The following MFSD2B variants were observed in gnomAD, a reference collection of about 807,000 sequenced individuals.
MFSD2B encodes MFSD2 lysolipid transporter B, sphingolipid.
MFSD2B carries 56 observed loss-of-function variants against 58.4 expected under a neutral mutation model. The ratio of observed to expected loss-of-function variants is 0.96; its 90% CI spans 0.77 to 1.20. MFSD2B has a LOEUF of 1.20. Ranked by LOEUF, MFSD2B falls within the 50% of genes most tolerant of loss-of-function variation. The probability of loss-of-function intolerance (pLI) is 0.00; values close to 1 mark genes in which losing one functional copy is unlikely to be tolerated. For synonymous variants in MFSD2B, 287 were observed against 294.4 expected, an observed-to-expected ratio of 0.97 and a Z score of 0.26; for missense variants, 645 against 667.6, an observed-to-expected ratio of 0.97 and a Z score of 0.37.
chr2:24,013,410 G>A lies in MFSD2B; in HGVS notation c.222G>A (p.Gln74=). The stretch of plus-strand genomic sequence containing the variant: ...AGCTTTTCCTGCTTGATATAGCACA[G>A]GTAAGTGTGGGCAGTAGCCCAGTCT... ...YLQLFLLDIA[Q]IPAAQVSLVL... is the part of the protein sequence containing the mutation. Residue 74 remains glutamine (Q), a splice_region_variant and synonymous_variant, in exon 2 of 14, where the codon CAG becomes CAA. Transcript: ENST00000338315. 2 of 1,600,612 alleles carry A rather than the reference G, an allele frequency of 1.2e-6. No individual in the cohort carries two copies. Among genetic ancestry groups the A allele is most frequent in the Non-Finnish European group, 1.7e-6 (2 of 1,172,174 alleles).
In MFSD2B at chr2:24,025,425, C is replaced by T; in HGVS notation, c.1491-7C>T. ...TCCTTCTCCTTGGCTTCCTTCCCTT[C>T]CCACAGGAGGACCAGCTACAGCCTG... On this transcript the variant is annotated splice_region_variant and splice_polypyrimidine_tract_variant and intron_variant, in intron 13 of 13. Transcript: ENST00000338315. 1 of 1,536,032 alleles carries T rather than the reference C, an allele frequency of 6.5e-7. No homozygotes were observed. Among genetic ancestry groups the T allele is most frequent in the Non-Finnish European group, 8.7e-7 (1 of 1,146,802 alleles).
Position 24,023,194 on chromosome 2 carries a change from C to T in MFSD2B, c.1124C>T (p.Ala375Val). 6.2e-7 allele frequency: 1 copy of T among 1,613,690 alleles called. No individual in the cohort carries two copies. ...VPTAPVAYVV[A>V]FVSGVSIAVS... ...ACAGCACCTGTGGCATATGTCGTGG[C>T]CTTTGTATCTGGCGTGAGCATTGCT... Residue 375 changes from alanine (A) to valine (V), a missense_variant, in exon 11 of 14, where the codon GCC becomes GTC. Physicochemically the swap from Ala to Val is moderately conservative, Grantham distance 64. Transcript: ENST00000338315. This position sits in a 1 kb window ranked among gnomAD's most constrained non-coding sequence, Gnocchi z 5.0.
intron 2 of MFSD2B, among the ~76,000 whole-genome samples, 158 bp from the exon 3 acceptor site, chr2:24,015,998 G>A (rs747518780): frequency 3.3e-4 from 50 of 152,130 alleles, no homozygotes; most frequent in Non-Finnish European, 6.2e-4. Context: ...ACTCAGCCCC[G>A]GGATCAGCAT....
chr2:24,016,802 G>T (rs1464647512), intron 3 of MFSD2B, 43 bp from the exon 4 acceptor site: 2 of 1,606,838 alleles, frequency 1.2e-6, no homozygotes, highest in Admixed American at 1.7e-5. Context: ...GTGTTCCCCT[G>T]TCTGGGTCGG....
In MFSD2B at chr2:24,022,943, G is replaced by A; in HGVS notation, c.1059+41G>A. ...ATCAAGGATTGGGGGTGGCCGGAGG[G>A]GAGAGGTGAGCGAGGTGACCTTGGT... On this transcript the variant is annotated intron_variant, in intron 10 of 13. Transcript: ENST00000338315. The surrounding 1 kb of genome is among the most constrained non-coding windows in gnomAD (Gnocchi z 4.5). The A allele has an allele frequency of 1.3e-6, 2 of 1,569,264 alleles. No homozygotes were observed. The highest frequency in any genetic ancestry group is 1.3e-5 in the African/African-American group (1 of 74,298).
chr2:24,017,485 T>C lies in MFSD2B; in HGVS notation c.578T>C (p.Leu193Pro), dbSNP rs887269502. Residue 193 changes from leucine to proline, a missense_variant, in exon 6 of 14, where the codon CTG becomes CCG. Coordinates refer to ENST00000338315, the MANE Select transcript of MFSD2B (RefSeq NM_001346880.2). The surrounding 1 kb of genome is among the most constrained non-coding windows in gnomAD (Gnocchi z 4.8). ...YRMTVEMAGT[L>P]MGATVHGLIV... ...ATGACTGTGGAGATGGCGGGAACAC[T>C]GATGGGGGCCACTGTCCACGGGCTC... 3 of 1,600,036 alleles carry C rather than the reference T, an allele frequency of 1.9e-6. No homozygotes were observed. Among genetic ancestry groups the C allele is most frequent in the East Asian group, 4.5e-5 (2 of 44,332 alleles).
At chr2:24,019,166 G>A (rs1326637067) in intron 6 of MFSD2B, among the ~76,000 whole-genome samples, 1 of 152,060 alleles carries the variant, frequency 6.6e-6, no homozygotes, top group East Asian at 1.9e-4. Flanking sequence ...TTGTTTTTAA[G>A]TTAATATTTC....
intron 6 of MFSD2B, among the ~76,000 whole-genome samples, chr2:24,019,614 T>C (rs1419684165): frequency 6.6e-6 from 1 of 152,084 alleles, no homozygotes; most frequent in Non-Finnish European, 1.5e-5. Context: ...TCCCAGCTAC[T>C]TGGGAGGCTG....
At position 24,025,498 on chromosome 2, in the gene MFSD2B, C is replaced by G; in HGVS notation, c.*42C>G. ...TGTGAATGGACACAGGAGCCAGCAC[C>G]CTCGGGGCCTGACATCGCCCTCCTC... On this transcript the variant is annotated 3_prime_UTR_variant, in exon 14 of 14. Coordinates refer to ENST00000338315, the MANE Select transcript of MFSD2B (RefSeq NM_001346880.2). 1 of 1,527,744 alleles carries G rather than the reference C, an allele frequency of 6.5e-7. No individual in the cohort carries two copies. Among genetic ancestry groups the G allele is most frequent in the Non-Finnish European group, 8.8e-7 (1 of 1,139,346 alleles). 94.6% of individuals were successfully genotyped at this position (1,527,744 alleles called of 1,614,324 possible).
chr2:24,017,392 C>T lies in MFSD2B; in HGVS notation c.550+28C>T. The T allele has an allele frequency of 2.5e-6, 4 of 1,599,270 alleles. No individual in the cohort carries two copies. The highest frequency in any genetic ancestry group is 3.4e-6 in the Non-Finnish European group (4 of 1,173,406). ...GAGTGCAGCCGTGGGTTTCGGGTTCCAGGGAGGCAACTGCCCCTGGGACCC... is the reference window on the plus strand; with the variant it reads ...GAGTGCAGCCGTGGGTTTCGGGTTCTAGGGAGGCAACTGCCCCTGGGACCC... On this transcript the variant is annotated intron_variant, in intron 5 of 13. Coordinates refer to ENST00000338315, the MANE Select transcript of MFSD2B (RefSeq NM_001346880.2). This position sits in a 1 kb window ranked among gnomAD's most constrained non-coding sequence, Gnocchi z 4.8.
intron 2 of MFSD2B, 82 bp downstream of exon 2, chr2:24,013,492 C>A (rs753415284): frequency 4.7e-5 from 66 of 1,396,656 alleles, no homozygotes; most frequent in Non-Finnish European, 5.5e-5. Flanking sequence ...CTTCTGCTCC[C>A]ACTATCCTTG....
At position 24,021,507 on chromosome 2, in the gene MFSD2B, G is replaced by A. The variant is rs1662782393; in HGVS notation, c.682-141G>A. On this transcript the variant is annotated intron_variant, in intron 6 of 13. Transcript: ENST00000338315. The surrounding 1 kb of genome is among the most constrained non-coding windows in gnomAD (Gnocchi z 5.7). ...GAGCATGCTGTCCTGTGGGGTGATT[G>A]GGAGGTGGGGACCCAGCGTCCTGGG... is the stretch of plus-strand genomic sequence containing the variant. 1.4e-6 allele frequency: 1 copy of A among 696,454 alleles called. No individual in the cohort carries two copies. Among genetic ancestry groups the A allele is most frequent in the African/African-American group, 1.8e-5 (1 of 56,844 alleles). The allele number at this position is 696,454 out of a possible 1,614,324, so 43.1% of individuals were successfully genotyped here.
chr2:24,016,824 A>G (rs1430666873), intron 3 of MFSD2B, 21 bp from the exon 4 acceptor site: 2 of 1,611,504 alleles, frequency 1.2e-6, no homozygotes, highest in East Asian at 2.2e-5. Context: ...GGGCCGCTCC[A>G]CCTCGGCTGT....
intron 3 of MFSD2B, among the ~76,000 whole-genome samples, 191 bp from the exon 4 acceptor site, chr2:24,016,654 G>A (rs1709156034): frequency 6.6e-6 from 1 of 152,180 alleles, no homozygotes; most frequent in East Asian, 1.9e-4. Flanking sequence ...CTCCCACGAG[G>A]AGTGGCCGCC....
chr2:24,017,262 T>G lies in MFSD2B; in HGVS notation c.472-24T>G. 1 of 1,573,216 alleles carries G rather than the reference T, an allele frequency of 6.4e-7. No homozygotes were observed. The highest frequency in any genetic ancestry group is 1.2e-5 in the South Asian group (1 of 85,826). ...TGTCACCAGGCAAAGCTGGGGGCGG[T>G]TCTAAGCTCTGCCGACGCCCCAGTT... is the stretch of plus-strand genomic sequence containing the variant. On this transcript the variant is annotated intron_variant, in intron 4 of 13. Coordinates refer to ENST00000338315, the MANE Select transcript of MFSD2B (RefSeq NM_001346880.2). This position sits in a 1 kb window ranked among gnomAD's most constrained non-coding sequence, Gnocchi z 4.8.
rs1165738365 is a variant in MFSD2B, at chr2:24,022,014, G to A, written c.894+44G>A. 6.2e-7 allele frequency: 1 copy of A among 1,612,412 alleles called. No individual in the cohort carries two copies. The highest frequency in any genetic ancestry group is 1.1e-5 in the South Asian group (1 of 90,994). ...CCCCGACAGGCTTGGTGCTGGCCATGCTGACCTTGCATAGGTTCAGGGTGC... is the reference window on the plus strand; with the variant it reads ...CCCCGACAGGCTTGGTGCTGGCCATACTGACCTTGCATAGGTTCAGGGTGC... On this transcript the variant is annotated intron_variant, in intron 8 of 13. Transcript: ENST00000338315. The surrounding 1 kb of genome is among the most constrained non-coding windows in gnomAD (Gnocchi z 4.5).
rs1662908122 is a variant in MFSD2B at position 24,024,330 on chromosome 2, A to C, written c.1490+59A>C. ...CACAGTGTGGGCTGCTGGGGGAATG[A>C]CTAACACCAGCCTGCAGACATCCCT... On this transcript the variant is annotated intron_variant, in intron 13 of 13. Coordinates refer to ENST00000338315, the MANE Select transcript of MFSD2B (RefSeq NM_001346880.2). The surrounding 1 kb of genome is among the most constrained non-coding windows in gnomAD (Gnocchi z 4.3). 9 of 1,492,092 alleles carry C rather than the reference A, an allele frequency of 6.0e-6. No homozygotes were observed. In the South Asian group the frequency reaches 1.1e-4, roughly 18 times the overall value. The allele number at this position is 1,492,092 out of a possible 1,614,324, so 92.4% of individuals were successfully genotyped here. A position where few individuals can be genotyped will look rare whatever the true frequency, so the allele number is the denominator to read the frequency against.
In MFSD2B at chr2:24,022,799, G is replaced by A. The variant is rs760233350; in HGVS notation, c.979-23G>A. 5.9e-6 allele frequency: 9 copies of A among 1,530,694 alleles called. No individual in the cohort carries two copies. The highest frequency in any genetic ancestry group is 2.1e-5 in the Admixed American group (1 of 46,576). The allele number at this position is 1,530,694 out of a possible 1,614,324, so 94.8% of individuals were successfully genotyped here. ...AAGGCGCTGGCAGCACGGCCCTGGC[G>A]TGACGATGCTGTCTGCTCACAGGTC... On this transcript the variant is annotated intron_variant, in intron 9 of 13. Coordinates refer to ENST00000338315, the MANE Select transcript of MFSD2B (RefSeq NM_001346880.2). The surrounding 1 kb of genome is among the most constrained non-coding windows in gnomAD (Gnocchi z 4.5).
chr2:24,013,260 G>A, intron 1 of MFSD2B, 25 bp from the exon 2 acceptor site: 1 of 1,576,222 alleles, frequency 6.3e-7, no homozygotes, highest in South Asian at 1.1e-5. Flanking sequence ...TTGGGAGAAG[G>A]GCTTAGTTCC....
Sources: gnomAD v4.1 joint callset for allele counts (sites outside exome capture counted in the v4.1 genomes callset) on GRCh38, gnomAD v4.1.1 for gene constraint, Gnocchi (gnomAD v3.1) non-coding constraint, MANE v1.5 for transcripts, NCBI Gene and HGNC (gene_info 2026-07-23, HGNC 2026-07-21) for gene names.